The following DLGAP1 variants were observed in gnomAD, a reference collection of about 807,000 sequenced individuals.
The protein encoded by DLGAP1 is DLG associated protein 1.
Under a neutral mutation model 90.8 loss-of-function variants are expected in DLGAP1, and 11 were observed. That is an observed-to-expected ratio of 0.12 (90% CI 0.08 to 0.20). DLGAP1 has a LOEUF of 0.20. Among genes scored for constraint, DLGAP1 ranks in the 10% least tolerant of loss-of-function variants. DLGAP1 has a pLI of 1.00. For missense variants in DLGAP1, 1,050 were observed against 1,333.8 expected (o/e 0.79, Z 3.31); for synonymous variants, 558 against 540.7 (o/e 1.03, Z -0.44).
At chr18:3,772,790 A>G (rs892564011) in intron 5 of DLGAP1, among the ~76,000 whole-genome samples, 2 of 152,048 alleles carry the variant, frequency 1.3e-5, no homozygotes, top group Admixed American at 6.6e-5. Context: ...CACAGGCCCC[A>G]CTTCAGACCC....
chr18:4,414,776 C>G (rs1339980865), intron 1 of DLGAP1, among the ~76,000 whole-genome samples: 1 of 151,372 alleles, frequency 6.6e-6, no homozygotes, highest in Non-Finnish European at 1.5e-5. Flanking sequence ...AGACTACATT[C>G]TCTCTCAGCA....
At chr18:3,567,453 C>T (rs1375805275) in intron 9 of DLGAP1, 37 bp downstream of exon 9, 2 of 1,545,788 alleles carry the variant, frequency 1.3e-6, no homozygotes, top group Non-Finnish European at 1.8e-6. Flanking sequence ...TACTTCAAAA[C>T]ATCAAGACAA....
chr18:4,194,857 A>T (rs2077466223), intron 1 of DLGAP1, among the ~76,000 whole-genome samples: 1 of 152,174 alleles, frequency 6.6e-6, no homozygotes, highest in African/African-American at 2.4e-5. Flanking sequence ...TGATATATGT[A>T]TACAACGTGG....
At chr18:3,747,235 T>G (rs2063308961) in intron 5 of DLGAP1, among the ~76,000 whole-genome samples, 1 of 152,170 alleles carries the variant, frequency 6.6e-6, no homozygotes, top group Non-Finnish European at 1.5e-5. Context: ...AAATGTGCCC[T>G]ATGGATCCTT....
At chr18:3,631,277 C>T (rs910856999) in intron 7 of DLGAP1, among the ~76,000 whole-genome samples, 1 of 152,050 alleles carries the variant, frequency 6.6e-6, no homozygotes, top group Non-Finnish European at 1.5e-5. Flanking sequence ...AGCCACCGTG[C>T]CTGGCTGACT....
chr18:4,448,808 A>G (rs1007690809), intron 1 of DLGAP1, among the ~76,000 whole-genome samples: 1 of 152,194 alleles, frequency 6.6e-6, no homozygotes, highest in Non-Finnish European at 1.5e-5. Context: ...ATCAGTAAAG[A>G]TGTTAGATTC....
At chr18:4,146,918 A>G (rs1259875349) in intron 2 of DLGAP1, among the ~76,000 whole-genome samples, 1 of 152,192 alleles carries the variant, frequency 6.6e-6, no homozygotes, top group African/African-American at 2.4e-5. Context: ...GTAGGCATTG[A>G]GCCCAATTTC....
chr18:3,990,488 G>A (rs1391587659), intron 3 of DLGAP1, among the ~76,000 whole-genome samples: 1 of 140,620 alleles, frequency 7.1e-6, no homozygotes, highest in African/African-American at 2.6e-5. Context: ...CTGTTGTGGG[G>A]TGGGGGAGGG....
chr18:3,698,144 G>A (rs2061157080), intron 7 of DLGAP1, among the ~76,000 whole-genome samples: 1 of 152,106 alleles, frequency 6.6e-6, no homozygotes, highest in Non-Finnish European at 1.5e-5. Context: ...TATCCAATTT[G>A]CCACTCTGTG....
intron 1 of DLGAP1, among the ~76,000 whole-genome samples, chr18:4,253,331 GAGAAAA>G (rs2078822080): frequency 1.3e-5 from 2 of 152,176 alleles, no homozygotes; most frequent in Admixed American, 1.3e-4. Context: ...AAGTTTCAGT[GAGAAAA>G]GGAAAATAAT....
intron 1 of DLGAP1, among the ~76,000 whole-genome samples, chr18:4,428,131 C>T (rs1208809899): frequency 1.3e-5 from 2 of 152,302 alleles, no homozygotes; most frequent in East Asian, 1.9e-4. Context: ...GGGTCCCCCC[C>T]TCAAATCTCA....
intron 3 of DLGAP1, chr18:3,894,649 T>C (rs1479789156): frequency 2.0e-5 from 3 of 152,228 alleles, no homozygotes; most frequent in Non-Finnish European, 4.4e-5. Context: ...TTGCTTAGTA[T>C]TGCTTTGGCA....
chr18:4,045,631 C>A (rs2075042377), intron 2 of DLGAP1, among the ~76,000 whole-genome samples: 1 of 151,168 alleles, frequency 6.6e-6, no homozygotes, highest in African/African-American at 2.4e-5. Context: ...AAAAACCCAA[C>A]ATATTTTTGC....
chr18:3,864,074 C>T (rs1001093242), intron 4 of DLGAP1, among the ~76,000 whole-genome samples: 4 of 152,182 alleles, frequency 2.6e-5, no homozygotes, highest in African/African-American at 9.7e-5. Context: ...CCACTGCCCC[C>T]AGAGTTCAGT....
At chr18:4,191,890 G>T (rs2077407436) in intron 1 of DLGAP1, among the ~76,000 whole-genome samples, 1 of 152,088 alleles carries the variant, frequency 6.6e-6, no homozygotes, top group South Asian at 2.1e-4. Context: ...TTCCATGGGT[G>T]CACACAATGT....
chr18:4,082,603 C>G (rs927535623), intron 2 of DLGAP1, among the ~76,000 whole-genome samples: 7 of 151,142 alleles, frequency 4.6e-5, no homozygotes, highest in Admixed American at 1.3e-4. Flanking sequence ...ACCCACCATG[C>G]ATGCTAGTAA....
At chr18:3,976,835 T>A (rs1036232893) in intron 3 of DLGAP1, among the ~76,000 whole-genome samples, 2 of 152,236 alleles carry the variant, frequency 1.3e-5, no homozygotes, top group African/African-American at 4.8e-5. Context: ...ATAAAGGTAC[T>A]ATTCTCATCA....
At chr18:3,527,832 A>G (rs944427075) in intron 10 of DLGAP1, among the ~76,000 whole-genome samples, 3 of 152,060 alleles carry the variant, frequency 2.0e-5, no homozygotes, top group African/African-American at 7.2e-5. Flanking sequence ...GGCTCAAGCG[A>G]TCCTCATGGC....
intron 2 of DLGAP1, among the ~76,000 whole-genome samples, chr18:4,114,349 T>C (rs1449065910): frequency 6.6e-6 from 1 of 152,050 alleles, no homozygotes; most frequent in Non-Finnish European, 1.5e-5. Context: ...GATATTTTAC[T>C]TTATTATTAT....
Sources: gnomAD v4.1 joint callset for allele counts (sites outside exome capture counted in the v4.1 genomes callset) on GRCh38, gnomAD v4.1.1 for gene constraint, MANE v1.5 for transcripts, NCBI Gene and HGNC (gene_info 2026-07-23, HGNC 2026-07-21) for gene names.